The following CBFA2T2 variants were observed in gnomAD, a reference collection of about 807,000 sequenced individuals.
The protein encoded by CBFA2T2 is protein CBFA2T2.
A neutral mutation model predicts 62.2 loss-of-function variants in CBFA2T2; 11 were observed. The observed-to-expected ratio is 0.18, with a 90% CI of 0.11 to 0.29. CBFA2T2 has a LOEUF of 0.29. CBFA2T2 is among the 10% of genes least tolerant of loss of function. The pLI, the probability that CBFA2T2 is intolerant of heterozygous loss-of-function variation, is 1.00. For synonymous variants in CBFA2T2, 295 were observed against 287.5 expected (o/e 1.03, Z -0.27); for missense variants, 592 against 774.1 (o/e 0.76, Z 2.79).
At position 33,637,198 on chromosome 20, in the gene CBFA2T2, G is replaced by A. The variant is rs191691835; in HGVS notation, c.1297+490G>A. 1.9e-3 allele frequency among the ~76,000 whole-genome samples: 284 copies of A among 152,320 alleles called. 3 individuals carry two copies. Among genetic ancestry groups the A allele is most frequent in the Non-Finnish European group, 1.4e-3 (94 of 68,024 alleles). On this transcript the variant is annotated intron_variant, in intron 9 of 10. Transcript: ENST00000342704. ...TCCTCTTTTACAAGAATAAAGGAGG[G>A]TGGGGACTGCCTATTTTGTAAGTTC... is the stretch of plus-strand genomic sequence containing the variant.
intron 1 of CBFA2T2, among the ~76,000 whole-genome samples, chr20:33,553,387 T>C (rs2012794354): frequency 6.6e-6 from 1 of 152,166 alleles, no homozygotes; most frequent in South Asian, 2.1e-4. Flanking sequence ...CCACTACGCC[T>C]GGCTAATTTT....
intron 1 of CBFA2T2, among the ~76,000 whole-genome samples, chr20:33,495,826 C>A (rs187115162): frequency 3.9e-4 from 60 of 152,296 alleles, no homozygotes; most frequent in African/African-American, 1.4e-3. Flanking sequence ...ACTTAACCTT[C>A]TTGTGCAGTT....
chr20:33,507,914 C>T (rs1009222009), intron 1 of CBFA2T2, among the ~76,000 whole-genome samples: 4 of 152,030 alleles, frequency 2.6e-5, no homozygotes, highest in African/African-American at 9.7e-5. Context: ...AGCTTTTATA[C>T]TCCTACCAGC....
Position 33,490,097 on chromosome 20 carries a change from GC to G in CBFA2T2, c.-170del. The G allele has an allele frequency of 1.6e-6, 1 of 614,322 alleles. No homozygotes were observed. The highest frequency in any genetic ancestry group is 7.2e-5 in the South Asian group (1 of 13,920). 38.1% of individuals were successfully genotyped at this position (614,322 alleles called of 1,614,324 possible). On this transcript the variant is annotated 5_prime_UTR_variant, in exon 1 of 11. Transcript: ENST00000342704. ...GGCGGGGCGCGGCCTAACGGCGGCG[GC>G]GGCGGCGGCGACGGCGACAGCAGCG... is the stretch of plus-strand genomic sequence containing the variant.
chr20:33,594,498 G>A (rs2014802464), intron 1 of CBFA2T2, among the ~76,000 whole-genome samples: 1 of 152,082 alleles, frequency 6.6e-6, no homozygotes, highest in Non-Finnish European at 1.5e-5. Flanking sequence ...GGGATTACAG[G>A]TGTGAGCCAC....
At chr20:33,491,638 A>G (rs956766105) in intron 1 of CBFA2T2, among the ~76,000 whole-genome samples, 2 of 152,142 alleles carry the variant, frequency 1.3e-5, no homozygotes, top group Non-Finnish European at 1.5e-5. Context: ...TGAAATTTCC[A>G]ACTAAAGAGG....
At chr20:33,583,562 T>TA (rs879557795) in intron 1 of CBFA2T2, among the ~76,000 whole-genome samples, 4 of 152,226 alleles carry the variant, frequency 2.6e-5, no homozygotes, top group Non-Finnish European at 5.9e-5. Flanking sequence ...TTTAAAAAAT[T>TA]ATCTTGTTTC....
chr20:33,628,071 G>A (rs1289709981), intron 6 of CBFA2T2, among the ~76,000 whole-genome samples: 2 of 152,198 alleles, frequency 1.3e-5, no homozygotes, highest in East Asian at 3.8e-4. Flanking sequence ...TATGTTAGAT[G>A]TGAAATGCTA....
chr20:33,503,182 G>A (rs1428020975), intron 1 of CBFA2T2, among the ~76,000 whole-genome samples: 1 of 150,116 alleles, frequency 6.7e-6, no homozygotes, highest in African/African-American at 2.4e-5. Flanking sequence ...AATGGACAGA[G>A]CTAGGAAATA....
chr20:33,502,891 C>G, intron 1 of CBFA2T2, among the ~76,000 whole-genome samples: 1 of 149,948 alleles, frequency 6.7e-6, no homozygotes, highest in Non-Finnish European at 1.5e-5. Flanking sequence ...GAGATCGAGA[C>G]CATCCTGGCT....
At chr20:33,642,399 C>A (rs1304068199) in intron 10 of CBFA2T2, among the ~76,000 whole-genome samples, 1 of 151,836 alleles carries the variant, frequency 6.6e-6, no homozygotes, top group Non-Finnish European at 1.5e-5. Flanking sequence ...CTCAGGAGTT[C>A]AAGACCAGCC....
At chr20:33,500,629 A>G (rs920422238) in intron 1 of CBFA2T2, among the ~76,000 whole-genome samples, 4 of 152,092 alleles carry the variant, frequency 2.6e-5, no homozygotes, top group African/African-American at 9.7e-5. Context: ...GAATCACTTG[A>G]ACCTGGGAGG....
At chr20:33,517,754 C>T (rs892332763) in intron 1 of CBFA2T2, among the ~76,000 whole-genome samples, 1 of 151,340 alleles carries the variant, frequency 6.6e-6, no homozygotes, top group African/African-American at 2.4e-5. Flanking sequence ...AAGCAATTCT[C>T]CTGACTCAGC....
chr20:33,507,347 T>G (rs1485788775), intron 1 of CBFA2T2, among the ~76,000 whole-genome samples: 1 of 152,186 alleles, frequency 6.6e-6, no homozygotes, highest in Non-Finnish European at 1.5e-5. Context: ...GCAAGTAACA[T>G]CCTACCAAGG....
chr20:33,507,099 A>G (rs1214396643), intron 1 of CBFA2T2, among the ~76,000 whole-genome samples: 2 of 152,218 alleles, frequency 1.3e-5, no homozygotes, highest in African/African-American at 4.8e-5. Context: ...GTATTCTATT[A>G]GAAGGACAAA....
intron 1 of CBFA2T2, among the ~76,000 whole-genome samples, chr20:33,559,005 A>C (rs569180054): frequency 1.4e-4 from 21 of 152,256 alleles, no homozygotes; most frequent in Non-Finnish European, 2.1e-4. Context: ...TTCATATAGG[A>C]AAGACAGATG....
intron 3 of CBFA2T2, among the ~76,000 whole-genome samples, chr20:33,614,045 G>T (rs756130978): frequency 6.6e-6 from 1 of 151,574 alleles, no homozygotes; most frequent in Non-Finnish European, 1.5e-5. Flanking sequence ...TTAGCCGGGC[G>T]TGGAGCTTGC....
intron 2 of CBFA2T2, among the ~76,000 whole-genome samples, chr20:33,608,804 A>G (rs868161891): frequency 6.6e-6 from 1 of 152,198 alleles, no homozygotes; most frequent in African/African-American, 2.4e-5. Context: ...AAGCCTTTCT[A>G]TACATCAGAG....
At chr20:33,512,533 C>A (rs1351481217) in intron 1 of CBFA2T2, among the ~76,000 whole-genome samples, 5 of 152,006 alleles carry the variant, frequency 3.3e-5, no homozygotes, top group Non-Finnish European at 5.9e-5. Flanking sequence ...TGCATTCTTC[C>A]ATATCTGGCT....
Sources: allele counts gnomAD v4.1 joint callset (sites outside exome capture counted in the v4.1 genomes callset), GRCh38; gene constraint gnomAD v4.1.1; transcripts MANE v1.5; gene names NCBI Gene and HGNC (gene_info 2026-07-23, HGNC 2026-07-21).